The following GPC5 variants were observed in gnomAD, a reference collection of about 807,000 sequenced individuals.
GPC5 encodes the protein glypican 5.
GPC5 carries 47 observed loss-of-function variants against 53.9 expected under a neutral mutation model. That is an observed-to-expected ratio of 0.87 (90% confidence interval 0.69 to 1.11). GPC5 has a LOEUF of 1.11. GPC5 is among the 50% of genes most tolerant of loss of function. The pLI is 0.00. For missense variants in GPC5, 748 were observed against 713.1 expected, an observed-to-expected ratio of 1.05 and a Z score of -0.56; for synonymous variants, 286 against 263.3, an observed-to-expected ratio of 1.09 and a Z score of -0.84.
chr13:92,663,918 A>AC (rs1491277664), intron 7 of GPC5, among the ~76,000 whole-genome samples: 4 of 129,162 alleles, frequency 3.1e-5, no homozygotes, highest in African/African-American at 1.2e-4. Context: ...ACACACACAC[A>AC]AAAATTAGCT....
chr13:91,662,087 A>G (rs778686705), intron 2 of GPC5, among the ~76,000 whole-genome samples: 1 of 152,140 alleles, frequency 6.6e-6, no homozygotes, highest in Non-Finnish European at 1.5e-5. Context: ...ATTGGATGAG[A>G]TCATCAAAAA....
intron 7 of GPC5, among the ~76,000 whole-genome samples, chr13:92,326,091 C>A (rs1320181159): frequency 2.0e-5 from 3 of 151,978 alleles, no homozygotes; most frequent in Non-Finnish European, 4.4e-5. Flanking sequence ...TTTTCAAAAT[C>A]ATTGAGATCA....
At chr13:91,501,354 C>A (rs1884627365) in intron 2 of GPC5, among the ~76,000 whole-genome samples, 1 of 149,914 alleles carries the variant, frequency 6.7e-6, no homozygotes, top group Non-Finnish European at 1.5e-5. Flanking sequence ...AGTAACTCGT[C>A]ATTTAACATT....
At chr13:91,463,742 TAA>T (rs1457079507) in intron 2 of GPC5, among the ~76,000 whole-genome samples, 3 of 152,122 alleles carry the variant, frequency 2.0e-5, no homozygotes, top group African/African-American at 7.2e-5. Flanking sequence ...AGGGGAAACC[TAA>T]ACTTTGTACA....
At chr13:92,148,178 G>A (rs2041882015) in intron 7 of GPC5, among the ~76,000 whole-genome samples, 1 of 151,874 alleles carries the variant, frequency 6.6e-6, no homozygotes, top group African/African-American at 2.4e-5. Context: ...ATATAGTTGT[G>A]AGTATTAATA....
chr13:92,462,333 C>T (rs1594222166), intron 7 of GPC5, among the ~76,000 whole-genome samples: 2 of 151,814 alleles, frequency 1.3e-5, no homozygotes, highest in Admixed American at 6.6e-5. Context: ...CCAGCAGAGG[C>T]GGTGAAAGGT....
chr13:91,835,074 G>A (rs1164751696), intron 5 of GPC5, among the ~76,000 whole-genome samples: 1 of 152,120 alleles, frequency 6.6e-6, no homozygotes, highest in African/African-American at 2.4e-5. Flanking sequence ...CAAAAAGTGG[G>A]TGAAGGATAT....
chr13:92,407,482 ATTAT>A (rs150549312), intron 7 of GPC5, among the ~76,000 whole-genome samples: 80,273 of 151,524 alleles, frequency 0.53, 21,434 homozygotes, highest in East Asian at 0.72. Flanking sequence ...AAATATAGTC[ATTAT>A]TTATTTCCTT....
At chr13:92,183,577 T>A (rs1324282507) in intron 7 of GPC5, among the ~76,000 whole-genome samples, 2 of 152,150 alleles carry the variant, frequency 1.3e-5, no homozygotes, top group African/African-American at 4.8e-5. Context: ...TTTGAGTCAC[T>A]TATATATAAA....
rs1478161139 is a variant in GPC5, at chr13:92,704,926, T to G, written c.1562-161356T>G. On this transcript the variant is annotated intron_variant, in intron 7 of 7. Transcript: ENST00000377067. ...ATATATATATACACTTATATGGATA[T>G]ATATATACTTGAATACATGTATGTG... Among the ~76,000 whole-genome samples the G allele has an allele frequency of 2.4e-5, 3 of 124,880 alleles. No individual in the cohort carries two copies. In the East Asian group the frequency reaches 7.9e-4, roughly 33 times the overall value. 81.9% of individuals were successfully genotyped at this position (124,880 alleles called of 152,430 possible). A position where few individuals can be genotyped will look rare whatever the true frequency, so the allele number is the denominator to read the frequency against.
chr13:91,459,168 A>G (rs941407096), intron 2 of GPC5, among the ~76,000 whole-genome samples: 3 of 152,138 alleles, frequency 2.0e-5, no homozygotes, highest in East Asian at 3.9e-4. Context: ...GAACTTATCC[A>G]TGTAACCAAA....
chr13:91,858,192 T>C (rs756436862), intron 5 of GPC5, among the ~76,000 whole-genome samples: 12 of 151,964 alleles, frequency 7.9e-5, no homozygotes, highest in Admixed American at 5.2e-4. Flanking sequence ...TGCTTAGGAC[T>C]TCTAGTACTA....
At chr13:92,408,650 A>G (rs1157269623) in intron 7 of GPC5, among the ~76,000 whole-genome samples, 1 of 148,204 alleles carries the variant, frequency 6.7e-6, no homozygotes, top group Non-Finnish European at 1.5e-5. Flanking sequence ...ACACACACAC[A>G]CACATATAAT....
At chr13:92,516,396 G>T (rs981997323) in intron 7 of GPC5, among the ~76,000 whole-genome samples, 6 of 152,066 alleles carry the variant, frequency 3.9e-5, no homozygotes, top group Non-Finnish European at 7.4e-5. Flanking sequence ...ATACAAGTTT[G>T]TAGACCCACT....
rs372573750 is a variant in GPC5 at position 92,420,361 on chromosome 13, A to T, written c.1561+275372A>T. ...TTTTCTTTTTTTAATTTTTAATTTT[A>T]ATTTTTGTGGATACATAGTAGGTGT... is the stretch of plus-strand genomic sequence containing the variant. On this transcript the variant is annotated intron_variant, in intron 7 of 7. Transcript: ENST00000377067. 2.0e-5 allele frequency among the ~76,000 whole-genome samples: 3 copies of T among 152,088 alleles called. No individual in the cohort carries two copies. The South Asian group carries it at 6.2e-4, about 32-fold the overall frequency.
chr13:91,830,715 G>T (rs1195164920), intron 5 of GPC5, among the ~76,000 whole-genome samples: 1 of 141,928 alleles, frequency 7.0e-6, no homozygotes, highest in East Asian at 2.0e-4. Context: ...GAACTAATAG[G>T]ATATATATAT....
intron 2 of GPC5, among the ~76,000 whole-genome samples, chr13:91,657,477 C>T (rs149574105): frequency 6.6e-5 from 10 of 152,076 alleles, no homozygotes; most frequent in Admixed American, 1.3e-4. Flanking sequence ...GAGTGGGTTG[C>T]GGATTCTATG....
At chr13:91,564,830 A>T (rs748913014) in intron 2 of GPC5, among the ~76,000 whole-genome samples, 2 of 152,134 alleles carry the variant, frequency 1.3e-5, no homozygotes, top group African/African-American at 2.4e-5. Flanking sequence ...TCTTTTCAAT[A>T]TGTCGCCTTC....
chr13:92,347,890 ATTATAT>A (rs2043434099), intron 7 of GPC5, among the ~76,000 whole-genome samples: 1 of 17,868 alleles, frequency 5.6e-5, no homozygotes, highest in Non-Finnish European at 7.7e-5. Context: ...TATTATATAT[ATTATAT>A]ATATAATATA....
Sources: gnomAD v4.1 joint callset for allele counts (sites outside exome capture counted in the v4.1 genomes callset) on GRCh38, gnomAD v4.1.1 for gene constraint, MANE v1.5 for transcripts, NCBI Gene and HGNC (gene_info 2026-07-23, HGNC 2026-07-21) for gene names.